The following TRERF1 variants were observed in gnomAD, a reference collection of about 807,000 sequenced individuals.
TRERF1 encodes transcriptional-regulating factor 1.
Under a neutral mutation model 122.9 loss-of-function variants are expected in TRERF1, and 27 were observed. That is an observed-to-expected ratio of 0.22 (90% CI 0.16 to 0.30). The LOEUF (loss-of-function observed/expected upper bound fraction) is 0.30, where lower values mean the gene tolerates loss of function less well. TRERF1 is among the 10% of genes least tolerant of loss of function. The probability of loss-of-function intolerance (pLI) is 1.00; values close to 1 mark genes in which losing one functional copy is unlikely to be tolerated. For missense variants in TRERF1, 1,248 were observed against 1,560.3 expected (o/e 0.80, Z 3.37); for synonymous variants, 636 against 641.7 (o/e 0.99, Z 0.13).
At chr6:42,233,661 C>A (rs527340199) in intron 16 of TRERF1, among the ~76,000 whole-genome samples, 2 of 152,254 alleles carry the variant, frequency 1.3e-5, no homozygotes, top group Non-Finnish European at 2.9e-5. Context: ...TTCCCTCCCT[C>A]CTTCCTTTTT....
At chr6:42,367,988 T>C (rs775263250) in intron 2 of TRERF1, among the ~76,000 whole-genome samples, 10 of 152,104 alleles carry the variant, frequency 6.6e-5, no homozygotes, top group Non-Finnish European at 1.0e-4. Flanking sequence ...TGCCTGGCCC[T>C]AACATTTTTA....
Position 42,259,433 on chromosome 6 carries a change from G to T in TRERF1, c.2175C>A (p.Ser725Arg). 6.3e-7 allele frequency: 1 copy of T among 1,592,588 alleles called. No individual in the cohort carries two copies. ...GGCCGTGGCCGGAGATGAGGACATT[G>T]CTGAAGAGCCCCGAGCCCTGGCGCA... is the stretch of plus-strand genomic sequence containing the variant. The change falls in exon 9 of 18, where the codon AGC becomes AGA. Residue 725 changes from serine (S) to arginine (R), a missense_variant. Transcript: ENST00000372922. This position sits in a 1 kb window ranked among gnomAD's most constrained non-coding sequence, Gnocchi z 4.9.
rs926618369 is a variant in TRERF1 at position 42,268,196 on chromosome 6, C to T, written c.1395G>A (p.Gly465=). Residue 465 remains glycine (G), a synonymous_variant, in exon 5 of 18, where the codon GGG becomes GGA. Transcript: ENST00000372922. The surrounding 1 kb of genome is among the most constrained non-coding windows in gnomAD (Gnocchi z 4.4). The stretch of plus-strand genomic sequence containing the variant: ...TGGGAGACAGCTGCTGATGCTGAGG[C>T]CCCATGTTGTTGAGGTGGATCCCAC... 5 of 1,470,118 alleles carry T rather than the reference C, an allele frequency of 3.4e-6. No individual in the cohort carries two copies. Among genetic ancestry groups the T allele is most frequent in the South Asian group, 1.6e-5 (1 of 63,262 alleles). 91.1% of individuals were successfully genotyped at this position (1,470,118 alleles called of 1,614,324 possible).
At chr6:42,230,215 T>A (rs1348909042) in intron 17 of TRERF1, among the ~76,000 whole-genome samples, 1 of 152,148 alleles carries the variant, frequency 6.6e-6, no homozygotes, top group East Asian at 1.9e-4. Context: ...GTAACAAACA[T>A]AATTTCAGCA....
chr6:42,232,670 C>T lies in TRERF1; in HGVS notation c.3278+11G>A. The T allele has an allele frequency of 1.3e-6, 2 of 1,582,852 alleles. No individual in the cohort carries two copies. Among genetic ancestry groups the T allele is most frequent in the Non-Finnish European group, 1.7e-6 (2 of 1,157,598 alleles). ...TGAACTCAGATTCAGTCCCCGGTCC[C>T]CTGCACCTACTTGCCACACTCCTTG... On this transcript the variant is annotated intron_variant, in intron 17 of 17. Transcript: ENST00000372922. The surrounding 1 kb of genome is among the most constrained non-coding windows in gnomAD (Gnocchi z 4.5).
At chr6:42,449,782 C>T (rs371899320) in intron 2 of TRERF1, among the ~76,000 whole-genome samples, 16 of 152,200 alleles carry the variant, frequency 1.1e-4, no homozygotes, top group Admixed American at 9.8e-4. Flanking sequence ...AATATCAACC[C>T]TCAATCTGGA....
rs1778122849 is a variant in TRERF1 at position 42,393,718 on chromosome 6, G to A, written c.-453-30639C>T. Among the ~76,000 whole-genome samples the A allele has an allele frequency of 6.6e-6, 1 of 152,210 alleles. No individual in the cohort carries two copies. Among genetic ancestry groups the A allele is most frequent in the Non-Finnish European group, 1.5e-5 (1 of 68,038 alleles). ...AATTTAGATGACTAAATATAGGGGAGCTGGTTAAATAAGTTATAGAACTTC... is the reference window on the plus strand; with the variant it reads ...AATTTAGATGACTAAATATAGGGGAACTGGTTAAATAAGTTATAGAACTTC... On this transcript the variant is annotated intron_variant, in intron 2 of 17. Coordinates refer to ENST00000372922, the Ensembl canonical transcript of TRERF1. This position sits in a 1 kb window ranked among gnomAD's most constrained non-coding sequence, Gnocchi z 4.1.
intron 3 of TRERF1, among the ~76,000 whole-genome samples, chr6:42,350,970 C>G (rs1351814247): frequency 2.0e-5 from 3 of 152,026 alleles, no homozygotes; most frequent in Non-Finnish European, 4.4e-5. Flanking sequence ...AATTCTCTCT[C>G]TCTCACTCTC....
At chr6:42,264,116 C>T (rs2149840476) in intron 7 of TRERF1, among the ~76,000 whole-genome samples, 1 of 152,236 alleles carries the variant, frequency 6.6e-6, no homozygotes, top group South Asian at 2.1e-4. Flanking sequence ...AGATTTAATC[C>T]CATAGATTTA....
chr6:42,267,329 G>C (rs1302645395), intron 5 of TRERF1, among the ~76,000 whole-genome samples: 1 of 151,798 alleles, frequency 6.6e-6, no homozygotes, highest in Non-Finnish European at 1.5e-5. Flanking sequence ...GCAAGACCCT[G>C]TCTAAAAAAA....
At chr6:42,290,111 A>G (rs1386887615) in intron 4 of TRERF1, among the ~76,000 whole-genome samples, 1 of 152,176 alleles carries the variant, frequency 6.6e-6, no homozygotes, top group Non-Finnish European at 1.5e-5. Context: ...AAGAACATGA[A>G]GAAGGGCGGC....
chr6:42,451,558 A>G (rs1254753517), intron 1 of TRERF1, among the ~76,000 whole-genome samples, 116 bp downstream of exon 1: 5 of 147,168 alleles, frequency 3.4e-5, no homozygotes, highest in South Asian at 4.4e-4. Flanking sequence ...CAGGAAATCT[A>G]CTCTCCATAT....
At chr6:42,314,411 G>GTT (rs1193862092) in intron 3 of TRERF1, among the ~76,000 whole-genome samples, 1 of 152,182 alleles carries the variant, frequency 6.6e-6, no homozygotes, top group African/African-American at 2.4e-5. Flanking sequence ...AATGTGCACA[G>GTT]TTAAACTAGG....
chr6:42,378,516 A>G (rs1011274945), intron 2 of TRERF1, among the ~76,000 whole-genome samples: 3 of 152,226 alleles, frequency 2.0e-5, no homozygotes, highest in Non-Finnish European at 4.4e-5. Flanking sequence ...AAAAGCTGAT[A>G]TTCAATCCAA....
chr6:42,233,940 A>T lies in TRERF1; in HGVS notation c.3067-1048T>A, dbSNP rs374286414. Among the ~76,000 whole-genome samples the T allele has an allele frequency of 1.4e-4, 21 of 152,336 alleles. 2 individuals are homozygous for T. The highest frequency in any genetic ancestry group is 3.9e-4 in the East Asian group (2 of 5,188). Reference sequence around the variant, plus strand: ...AATACAGATGATAAAAAGAAGAAGGATCTTGGCAGAATTTTAAAATCCTGC... The same window carrying T: ...AATACAGATGATAAAAAGAAGAAGGTTCTTGGCAGAATTTTAAAATCCTGC... On this transcript the variant is annotated intron_variant, in intron 16 of 17. Coordinates refer to ENST00000372922, the Ensembl canonical transcript of TRERF1.
At position 42,269,048 on chromosome 6, in the gene TRERF1, G is replaced by C. The variant is rs754209748; in HGVS notation, c.543C>G (p.Leu181=). 3 of 1,614,178 alleles carry C rather than the reference G, an allele frequency of 1.9e-6. No homozygotes were observed. The Admixed American group carries it at 5.0e-5, about 27-fold the overall frequency. Residue 181 remains leucine, a synonymous_variant, in exon 5 of 18, where the codon CTC becomes CTG. Transcript: ENST00000372922. This position sits in a 1 kb window ranked among gnomAD's most constrained non-coding sequence, Gnocchi z 4.9. ...TGGGCTTCTGAGACAGCAGCTGGCG[G>C]AGAGCACTGTCAGGGGCTCCATCCA...
chr6:42,435,981 AAAATAAAT>A (rs561528799), intron 2 of TRERF1, among the ~76,000 whole-genome samples: 1 of 151,740 alleles, frequency 6.6e-6, no homozygotes. Flanking sequence ...CTCCATCTCA[AAAATAAAT>A]AAATAAATAA....
rs376015583 is a variant in TRERF1 at position 42,338,371 on chromosome 6, G to A, written c.-371+24626C>T. ...GAGAAGAAAAGGAGACCTGGGTCACGGGACGTGGGTAGGGGGATGCACGCC... is the reference window on the plus strand; with the variant it reads ...GAGAAGAAAAGGAGACCTGGGTCACAGGACGTGGGTAGGGGGATGCACGCC... On this transcript the variant is annotated intron_variant, in intron 3 of 17. Transcript: ENST00000372922. 1.1e-4 allele frequency among the ~76,000 whole-genome samples: 17 copies of A among 152,286 alleles called. 1 individual carries two copies. The East Asian group carries it at 3.3e-3, about 29-fold the overall frequency.
At chr6:42,368,028 G>A (rs933855138) in intron 2 of TRERF1, among the ~76,000 whole-genome samples, 5 of 151,978 alleles carry the variant, frequency 3.3e-5, no homozygotes, top group Non-Finnish European at 5.9e-5. Context: ...TATGGGGCTC[G>A]ATAACTTCAG....
Sources: allele counts gnomAD v4.1 joint callset (sites outside exome capture counted in the v4.1 genomes callset), GRCh38; gene constraint gnomAD v4.1.1; non-coding constraint Gnocchi (gnomAD v3.1); transcripts MANE v1.5; gene names NCBI Gene and HGNC (gene_info 2026-07-23, HGNC 2026-07-21).